Variants in RPS6KC1 observed in about 807,000 individuals in gnomAD.
The protein encoded by RPS6KC1 is inactive ribosomal protein S6 kinase delta-1.
A neutral mutation model predicts 103.8 loss-of-function variants in RPS6KC1; 54 were observed. The ratio of observed to expected loss-of-function variants is 0.52; its 90% CI spans 0.42 to 0.65. The LOEUF (loss-of-function observed/expected upper bound fraction) is 0.65, where lower values mean the gene tolerates loss of function less well. Among genes scored for constraint, RPS6KC1 ranks in the 30% least tolerant of loss-of-function variants. RPS6KC1 has a pLI of 0.00. For missense variants in RPS6KC1, 1,151 were observed against 1,253.8 expected (o/e 0.92, Z 1.24); for synonymous variants, 439 against 438.7 (o/e 1.00, Z -0.01).
chr1:213,562,853 A>C, the RPS6KC1 span, among the ~76,000 whole-genome samples: 2 of 151,668 alleles, frequency 1.3e-5, no homozygotes, highest in African/African-American at 4.8e-5. Flanking sequence ...TTGCAGAGTC[A>C]GGGCCTCAAT....
At chr1:213,092,468 G>A (rs1014261279) in intron 3 of RPS6KC1, among the ~76,000 whole-genome samples, 13 of 151,990 alleles carry the variant, frequency 8.6e-5, no homozygotes, top group Non-Finnish European at 1.6e-4. Context: ...TCAGGAGATC[G>A]AGACAATCCT....
intron 6 of RPS6KC1, among the ~76,000 whole-genome samples, chr1:213,141,621 T>C (rs188853755): frequency 1.2e-3 from 180 of 152,142 alleles, no homozygotes; most frequent in African/African-American, 3.2e-3. Context: ...TCATCTCCAT[T>C]TCATTCAGTT....
chr1:213,772,343 G>T, the RPS6KC1 span, among the ~76,000 whole-genome samples: 2 of 152,148 alleles, frequency 1.3e-5, no homozygotes, highest in Non-Finnish European at 2.9e-5. Context: ...CTTTCTTTGC[G>T]CAGGACACAA....
intron 2 of RPS6KC1, 59 bp from the exon 3 acceptor site, chr1:213,077,637 T>A: frequency 2.8e-6 from 3 of 1,061,424 alleles, no homozygotes; most frequent in Non-Finnish European, 2.7e-6. Flanking sequence ...GATTATTTGT[T>A]GTTCAGATAT....
chr1:213,784,171 G>A, the RPS6KC1 span, among the ~76,000 whole-genome samples: 6 of 152,250 alleles, frequency 3.9e-5, no homozygotes, highest in East Asian at 1.9e-4. Flanking sequence ...GGCAAACATT[G>A]CAAACTCTCT....
chr1:213,526,638 G>A, the RPS6KC1 span, among the ~76,000 whole-genome samples: 2 of 152,150 alleles, frequency 1.3e-5, no homozygotes, highest in Admixed American at 6.5e-5. Flanking sequence ...CAAAATCTGG[G>A]TTTCAGTCCT....
the RPS6KC1 span, among the ~76,000 whole-genome samples, chr1:213,501,750 A>G: frequency 6.6e-6 from 1 of 152,156 alleles, no homozygotes; most frequent in African/African-American, 2.4e-5. Context: ...AAAAAAAGAA[A>G]AAAAAGAAAA....
At chr1:213,752,360 GAA>G in the RPS6KC1 span, among the ~76,000 whole-genome samples, 6 of 140,508 alleles carry the variant, frequency 4.3e-5, no homozygotes, top group Admixed American at 1.4e-4. Context: ...ATATGTAAAA[GAA>G]AAAAAAAAAG....
chr1:213,845,777 G>T, the RPS6KC1 span, among the ~76,000 whole-genome samples: 2 of 152,154 alleles, frequency 1.3e-5, no homozygotes, highest in Admixed American at 1.3e-4. Context: ...ATCCTTCTGT[G>T]CCTCAATTTT....
chr1:213,231,656 T>G (rs1348329434), intron 9 of RPS6KC1, among the ~76,000 whole-genome samples: 1 of 152,190 alleles, frequency 6.6e-6, no homozygotes, highest in Non-Finnish European at 1.5e-5. Flanking sequence ...ACAAACCTTA[T>G]TCCTTGTAAG....
At chr1:213,733,341 G>A in the RPS6KC1 span, among the ~76,000 whole-genome samples, 2 of 151,524 alleles carry the variant, frequency 1.3e-5, no homozygotes, top group African/African-American at 4.8e-5. Flanking sequence ...CCGGGCTCAA[G>A]TTATTCTCCC....
intron 7 of RPS6KC1, among the ~76,000 whole-genome samples, chr1:213,170,969 A>G (rs2091430343): frequency 6.6e-6 from 1 of 152,168 alleles, no homozygotes; most frequent in Non-Finnish European, 1.5e-5. Context: ...CAGTGTGCAA[A>G]CATTTCTTTC....
chr1:213,405,110 G>C, the RPS6KC1 span, among the ~76,000 whole-genome samples: 2 of 152,378 alleles, frequency 1.3e-5, no homozygotes, highest in East Asian at 3.9e-4. Context: ...AAGGCATGTG[G>C]AAAAGGGATT....
rs1046354571 is a variant in RPS6KC1, at chr1:213,206,539, AAGAC to A, written c.1045-23954_1045-23951del. Among the ~76,000 whole-genome samples the A allele has an allele frequency of 1.6e-4, 25 of 152,346 alleles. 1 individual carries two copies. The South Asian group carries it at 3.9e-3, about 24-fold the overall frequency. ...AAGAGGCCATAAAAAAGCATGAAAA[AAGAC>A]AGAGCCACTTAATGTCACAAAGTCA... On this transcript the variant is annotated intron_variant, in intron 8 of 14. Coordinates refer to ENST00000366960, the MANE Select transcript of RPS6KC1 (RefSeq NM_012424.6).
At chr1:213,856,617 T>C in the RPS6KC1 span, among the ~76,000 whole-genome samples, 4 of 152,198 alleles carry the variant, frequency 2.6e-5, no homozygotes, top group East Asian at 7.7e-4. Flanking sequence ...ATAAACTACG[T>C]TTTTTGCATA....
At chr1:213,720,655 G>A in the RPS6KC1 span, among the ~76,000 whole-genome samples, 3 of 152,284 alleles carry the variant, frequency 2.0e-5, no homozygotes, top group Non-Finnish European at 2.9e-5. Flanking sequence ...GTGACCCATA[G>A]CCCATAGTCA....
chr1:213,227,190 G>A (rs1346217638), intron 8 of RPS6KC1, among the ~76,000 whole-genome samples: 3 of 152,184 alleles, frequency 2.0e-5, no homozygotes, highest in Admixed American at 2.0e-4. Context: ...GTCCCAGTGG[G>A]ATTCATTCTT....
the RPS6KC1 span, among the ~76,000 whole-genome samples, chr1:213,457,500 T>C: frequency 6.2e-5 from 9 of 145,546 alleles, no homozygotes; most frequent in East Asian, 1.0e-3. Context: ...CACTGCCTTT[T>C]ACCTTGTCCC....
chr1:213,463,729 T>A, the RPS6KC1 span, among the ~76,000 whole-genome samples: 1 of 152,166 alleles, frequency 6.6e-6, no homozygotes, highest in African/African-American at 2.4e-5. Flanking sequence ...GGGCTCGTTT[T>A]CAGGTCCCTC....
Sources: gnomAD v4.1 joint callset for allele counts (sites outside exome capture counted in the v4.1 genomes callset) on GRCh38, gnomAD v4.1.1 for gene constraint, MANE v1.5 for transcripts, NCBI Gene and HGNC (gene_info 2026-07-23, HGNC 2026-07-21) for gene names.